Variants in ERC2 observed in about 807,000 individuals in gnomAD.
ERC2 encodes ELKS/RAB6-interacting/CAST family member 2, also known as ERC protein 2.
ERC2 carries 42 observed loss-of-function variants against 114.8 expected under a neutral mutation model. That is an observed-to-expected ratio of 0.37 (90% CI 0.29 to 0.47). The LOEUF (loss-of-function observed/expected upper bound fraction) is 0.47, where lower values mean the gene tolerates loss of function less well. Among genes scored for constraint, ERC2 ranks in the 20% least tolerant of loss-of-function variants. ERC2 has a pLI of 0.99. For synonymous variants in ERC2, 454 were observed against 425.5 expected (o/e 1.07, Z -0.82); for missense variants, 939 against 1,150.7 (o/e 0.82, Z 2.66).
intron 3 of ERC2, among the ~76,000 whole-genome samples, chr3:56,253,318 T>C (rs903881826): frequency 1.3e-5 from 2 of 152,256 alleles, no homozygotes; most frequent in Non-Finnish European, 2.9e-5. Context: ...GATTCCTATT[T>C]AGAAAATTTT....
intron 3 of ERC2, among the ~76,000 whole-genome samples, chr3:56,192,858 G>A (rs2047876028): frequency 6.6e-6 from 1 of 152,060 alleles, no homozygotes; most frequent in Non-Finnish European, 1.5e-5. Flanking sequence ...TCTTAACCAA[G>A]TCCACAGGAA....
chr3:56,048,458 T>A (rs1026697184), intron 7 of ERC2, among the ~76,000 whole-genome samples: 20 of 152,202 alleles, frequency 1.3e-4, no homozygotes, highest in African/African-American at 2.9e-4. Context: ...AATTTTTTTT[T>A]AATATCTAAT....
intron 3 of ERC2, among the ~76,000 whole-genome samples, chr3:56,226,516 C>T (rs1431125649): frequency 6.6e-6 from 1 of 152,082 alleles, no homozygotes; most frequent in African/African-American, 2.4e-5. Context: ...ACATTGTCAC[C>T]GCACTCCAGC....
At chr3:56,036,118 A>T (rs1444894281) in intron 7 of ERC2, among the ~76,000 whole-genome samples, 1 of 152,244 alleles carries the variant, frequency 6.6e-6, no homozygotes, top group Non-Finnish European at 1.5e-5. Flanking sequence ...TCACAGGATC[A>T]TCCCAATAGA....
intron 2 of ERC2, among the ~76,000 whole-genome samples, chr3:56,365,247 C>T (rs921886072): frequency 2.6e-5 from 4 of 152,172 alleles, no homozygotes; most frequent in African/African-American, 9.6e-5. Context: ...AGATTATAGA[C>T]TGTATTTTTC....
chr3:56,237,320 C>A (rs2051014819), intron 3 of ERC2, among the ~76,000 whole-genome samples: 1 of 152,154 alleles, frequency 6.6e-6, no homozygotes. Flanking sequence ...ATACTCAAGC[C>A]CTTCCAGTTG....
intron 1 of ERC2, among the ~76,000 whole-genome samples, chr3:56,467,742 T>C (rs2063614173): frequency 6.6e-6 from 1 of 151,824 alleles, no homozygotes; most frequent in African/African-American, 2.4e-5. Context: ...AAAAAAAATA[T>C]GCTCCCCTCT....
intron 6 of ERC2, among the ~76,000 whole-genome samples, chr3:56,121,665 T>C (rs1446220225): frequency 1.3e-5 from 2 of 152,250 alleles, no homozygotes; most frequent in Non-Finnish European, 2.9e-5. Flanking sequence ...TGTTTATCTT[T>C]TGCATGTTTA....
At chr3:55,593,296 G>A (rs981016507) in intron 17 of ERC2, among the ~76,000 whole-genome samples, 4 of 152,198 alleles carry the variant, frequency 2.6e-5, no homozygotes, top group African/African-American at 9.6e-5. Flanking sequence ...ACATGGAGAT[G>A]GAGAGGGAGG....
chr3:56,403,322 T>G (rs2060589067), intron 2 of ERC2, among the ~76,000 whole-genome samples: 2 of 152,224 alleles, frequency 1.3e-5, no homozygotes, highest in South Asian at 4.1e-4. Context: ...AATTGCATTG[T>G]CCAATACAGT....
At chr3:56,318,049 T>C (rs2056952435) in intron 2 of ERC2, among the ~76,000 whole-genome samples, 1 of 152,242 alleles carries the variant, frequency 6.6e-6, no homozygotes, top group South Asian at 2.1e-4. Context: ...CTCCAGTGCC[T>C]AGTATTGTGC....
At chr3:56,138,893 A>G (rs1023215404) in intron 6 of ERC2, among the ~76,000 whole-genome samples, 2 of 152,224 alleles carry the variant, frequency 1.3e-5, no homozygotes, top group African/African-American at 4.8e-5. Context: ...TCTTCTAAGC[A>G]TGAATAAGAG....
At chr3:55,645,850 T>C (rs2060372806) in intron 17 of ERC2, among the ~76,000 whole-genome samples, 1 of 152,256 alleles carries the variant, frequency 6.6e-6, no homozygotes, top group Non-Finnish European at 1.5e-5. Context: ...AAAACCAAGG[T>C]GAATCCCTCT....
intron 17 of ERC2, among the ~76,000 whole-genome samples, chr3:55,559,938 G>T (rs1156700884): frequency 6.6e-6 from 1 of 152,216 alleles, no homozygotes; most frequent in African/African-American, 2.4e-5. Context: ...CACAGGGGCT[G>T]CTCAGACATT....
At chr3:55,857,895 C>T (rs147955763) in intron 14 of ERC2, among the ~76,000 whole-genome samples, 222 of 152,320 alleles carry the variant, frequency 1.5e-3, no homozygotes, top group African/African-American at 5.3e-3. Flanking sequence ...ATCTATTCTA[C>T]GGAATGGACA....
intron 14 of ERC2, among the ~76,000 whole-genome samples, chr3:55,757,130 G>A (rs370979493): frequency 6.6e-6 from 1 of 152,238 alleles, no homozygotes; most frequent in East Asian, 1.9e-4. Context: ...AAAGAACACA[G>A]AACACCACAT....
chr3:56,124,542 A>G (rs1414979024), intron 6 of ERC2, among the ~76,000 whole-genome samples: 1 of 152,190 alleles, frequency 6.6e-6, no homozygotes, highest in Admixed American at 6.5e-5. Context: ...TCTTTGATCT[A>G]AACCCACACT....
rs1575606809 is a variant in ERC2 at position 55,568,468 on chromosome 3, C to T, written c.*40-57192G>A. On this transcript the variant is annotated intron_variant, in intron 17 of 17. Transcript: ENST00000288221. The stretch of plus-strand genomic sequence containing the variant: ...TCTTCCCCATTCTGGATGGCGGCAG[C>T]CTCACTCTTCTGGCTGCTCAGCCCA... Among the ~76,000 whole-genome samples, 3 of 152,336 alleles carry T rather than the reference C, an allele frequency of 2.0e-5. No individual in the cohort carries two copies. The East Asian group carries it at 5.8e-4, about 29-fold the overall frequency.
intron 14 of ERC2, among the ~76,000 whole-genome samples, chr3:55,865,495 T>A (rs549629139): frequency 4.6e-5 from 7 of 152,144 alleles, no homozygotes; most frequent in Non-Finnish European, 1.0e-4. Context: ...AATTCACCAT[T>A]GAACTACAGT....
Sources: gnomAD v4.1 joint callset for allele counts (sites outside exome capture counted in the v4.1 genomes callset) on GRCh38, gnomAD v4.1.1 for gene constraint, MANE v1.5 for transcripts, NCBI Gene and HGNC (gene_info 2026-07-23, HGNC 2026-07-21) for gene names.